The following KANSL1 variants were observed in gnomAD, a reference collection of about 807,000 sequenced individuals.
KANSL1 encodes the protein KAT8 regulatory NSL complex subunit 1.
Under a neutral mutation model 103.6 loss-of-function variants are expected in KANSL1, and 22 were observed. The observed-to-expected ratio is 0.21, with a 90% CI of 0.15 to 0.30. The LOEUF (loss-of-function observed/expected upper bound fraction) is 0.30. Among genes scored for constraint, KANSL1 ranks in the 10% least tolerant of loss-of-function variants. The probability of loss-of-function intolerance (pLI) is 1.00; values close to 1 mark genes in which losing one functional copy is unlikely to be tolerated. For synonymous variants in KANSL1, 600 were observed against 527.6 expected, an observed-to-expected ratio of 1.14 and a Z score of -1.88; for missense variants, 1,337 against 1,399.8, an observed-to-expected ratio of 0.96 and a Z score of 0.72.
chr17:46,105,065 G>C (rs1282496174), intron 2 of KANSL1, among the ~76,000 whole-genome samples: 2 of 152,044 alleles, frequency 1.3e-5, no homozygotes, highest in East Asian at 3.9e-4. Context: ...CACCCACCTC[G>C]GCTTCCCAAA....
At chr17:46,055,932 C>T (rs181319075) in intron 6 of KANSL1, among the ~76,000 whole-genome samples, 71 of 152,284 alleles carry the variant, frequency 4.7e-4, no homozygotes, top group Admixed American at 1.3e-3. Flanking sequence ...AGAGGTCATA[C>T]AGAAGAAAAC....
chr17:46,174,188 A>ATGTG (rs72149400), intron 1 of KANSL1, among the ~76,000 whole-genome samples: 5 of 151,808 alleles, frequency 3.3e-5, no homozygotes. Flanking sequence ...GTGGGTGTGG[A>ATGTG]TGTGTGTGTG....
At chr17:46,108,179 A>C (rs1403379378) in intron 2 of KANSL1, among the ~76,000 whole-genome samples, 1 of 152,186 alleles carries the variant, frequency 6.6e-6, no homozygotes, top group Non-Finnish European at 1.5e-5. Flanking sequence ...CCAAGTCCTG[A>C]CAACGACCCT....
intron 10 of KANSL1, chr17:46,035,292 G>C (rs1449349338): frequency 6.6e-6 from 1 of 152,284 alleles, no homozygotes; most frequent in Admixed American, 6.5e-5. Context: ...ACCAAGTGTG[G>C]TCAGTCCACA....
upstream of KANSL1, among the ~76,000 whole-genome samples, chr17:46,197,688 G>A (rs2047659541): frequency 6.6e-6 from 1 of 152,222 alleles, no homozygotes; most frequent in Non-Finnish European, 1.5e-5. Flanking sequence ...CATTACCCTT[G>A]GTTAAATGCT....
At chr17:46,152,592 G>A (rs970591870) in intron 2 of KANSL1, among the ~76,000 whole-genome samples, 3 of 140,780 alleles carry the variant, frequency 2.1e-5, no homozygotes, top group Admixed American at 7.1e-5. Context: ...AGGGGGGGGG[G>A]GGATTTCAGA....
intron 8 of KANSL1, 25 bp from the exon 9 acceptor site, chr17:46,039,240 C>T (rs1374744720): frequency 6.5e-7 from 1 of 1,534,796 alleles, no homozygotes; most frequent in Admixed American, 2.3e-5. Flanking sequence ...AGAAAAAGAG[C>T]TGTGAAATAT....
chr17:46,051,482 T>G (rs1379009420), intron 6 of KANSL1, among the ~76,000 whole-genome samples: 1 of 152,202 alleles, frequency 6.6e-6, no homozygotes, highest in Non-Finnish European at 1.5e-5. Context: ...ATGAACTAAT[T>G]TAAGTCTTCA....
chr17:46,196,891 G>C (rs981552692), upstream of KANSL1, among the ~76,000 whole-genome samples: 13 of 152,138 alleles, frequency 8.5e-5, no homozygotes, highest in Admixed American at 8.5e-4. Context: ...AGTATTGCTT[G>C]AGCCCAGGAG....
At chr17:46,091,628 A>G (rs116902028) in intron 3 of KANSL1, among the ~76,000 whole-genome samples, 7,197 of 151,988 alleles carry the variant, frequency 0.047, 896 homozygotes, top group East Asian at 0.42. Flanking sequence ...TTTTTACTGT[A>G]TTTTTTCTAT....
At chr17:46,043,685 A>G (rs1345055264) in intron 7 of KANSL1, 1 of 152,232 alleles carries the variant, frequency 6.6e-6, no homozygotes, top group Admixed American at 6.5e-5. Context: ...TATGACTGCT[A>G]TGAGTCTCTC....
intron 2 of KANSL1, among the ~76,000 whole-genome samples, chr17:46,107,771 A>G (rs1359482181): frequency 3.3e-5 from 5 of 152,186 alleles, no homozygotes; most frequent in Non-Finnish European, 5.9e-5. Context: ...ATCAAAATGA[A>G]GTTGATACTT....
intron 6 of KANSL1, among the ~76,000 whole-genome samples, chr17:46,051,078 C>T (rs1034760053): frequency 3.9e-5 from 6 of 152,300 alleles, no homozygotes; most frequent in East Asian, 1.9e-4. Context: ...TCCGCTAAGA[C>T]GAACAGTTGG....
intron 2 of KANSL1, among the ~76,000 whole-genome samples, chr17:46,167,210 G>T (rs1458092999): frequency 6.7e-6 from 1 of 148,164 alleles, no homozygotes; most frequent in African/African-American, 2.5e-5. Flanking sequence ...ACAGGACCCA[G>T]AAAATGAAAA....
rs183836125 is a variant in KANSL1, at chr17:46,213,543, C to T, written c.-90+10128G>A. 1.0e-3 allele frequency among the ~76,000 whole-genome samples: 152 copies of T among 149,934 alleles called. 2 individuals carry two copies. The East Asian group carries it at 0.023, about 23-fold the overall frequency. On this transcript the variant is annotated intron_variant, in intron 1 of 14. Coordinates refer to the KANSL1 transcript ENST00000572904. ...CAGGATGGTCTTGATCTCCTGACCT[C>T]ATGATGGGCCCGCCTCGGCCTCCCA...
At chr17:46,148,186 CCAAA>C (rs1240800456) in intron 2 of KANSL1, 3 of 152,128 alleles carry the variant, frequency 2.0e-5, no homozygotes, top group African/African-American at 4.8e-5. Context: ...AAATAGTGTA[CCAAA>C]CAGACATGCT....
intron 3 of KANSL1, among the ~76,000 whole-genome samples, chr17:46,086,015 C>T (rs1451971181): frequency 6.6e-6 from 1 of 152,156 alleles, no homozygotes; most frequent in Non-Finnish European, 1.5e-5. Flanking sequence ...CAGAGTCATA[C>T]ACCAAGAAAA....
At chr17:46,137,316 T>C (rs1316658063) in intron 2 of KANSL1, among the ~76,000 whole-genome samples, 3 of 152,272 alleles carry the variant, frequency 2.0e-5, no homozygotes, top group Non-Finnish European at 4.4e-5. Context: ...TTCCAACTTG[T>C]TATGATCTCC....
chr17:46,167,041 A>AG (rs1460948848), intron 2 of KANSL1, among the ~76,000 whole-genome samples: 1 of 151,254 alleles, frequency 6.6e-6, no homozygotes, highest in African/African-American at 2.4e-5. Context: ...GGGGACAGAG[A>AG]GAAAAAAAGA....
Sources: gnomAD v4.1 joint callset for allele counts (sites outside exome capture counted in the v4.1 genomes callset) on GRCh38, gnomAD v4.1.1 for gene constraint, MANE v1.5 for transcripts, NCBI Gene and HGNC (gene_info 2026-07-23, HGNC 2026-07-21) for gene names.